The following ADAMTS3 variants were observed in gnomAD, a reference collection of about 807,000 sequenced individuals.
ADAMTS3 encodes ADAM metallopeptidase with thrombospondin type 1 motif 3.
Under a neutral mutation model 129.0 loss-of-function variants are expected in ADAMTS3, and 73 were observed. The observed-to-expected ratio is 0.57, with a 90% confidence interval of 0.47 to 0.69. The LOEUF is 0.69. Among genes scored for constraint, ADAMTS3 ranks in the 30% least tolerant of loss-of-function variants. ADAMTS3 has a pLI of 0.00. For synonymous variants in ADAMTS3, 477 were observed against 510.8 expected (o/e 0.93, Z 0.89); for missense variants, 1,457 against 1,514.5 (o/e 0.96, Z 0.63).
intron 3 of ADAMTS3, among the ~76,000 whole-genome samples, chr4:72,512,162 T>TA (rs1420600039): frequency 1.3e-5 from 2 of 151,838 alleles, no homozygotes; most frequent in East Asian, 3.9e-4. Context: ...TAAATGGGTA[T>TA]AAAAAATAAG....
At chr4:72,535,429 A>G (rs538975971) in intron 3 of ADAMTS3, among the ~76,000 whole-genome samples, 8 of 152,168 alleles carry the variant, frequency 5.3e-5, no homozygotes, top group Non-Finnish European at 7.3e-5. Context: ...TAGGTTAATG[A>G]GACACCCCAG....
chr4:72,438,999 G>GTT (rs1056520120), intron 3 of ADAMTS3, among the ~76,000 whole-genome samples: 22 of 151,636 alleles, frequency 1.5e-4, no homozygotes, highest in African/African-American at 5.3e-4. Flanking sequence ...TTTTTACAGT[G>GTT]TTTAATAGTA....
intron 3 of ADAMTS3, among the ~76,000 whole-genome samples, chr4:72,460,844 C>A (rs1307488052): frequency 1.3e-5 from 2 of 151,650 alleles, no homozygotes; most frequent in Non-Finnish European, 3.0e-5. Context: ...ATGTTCACAA[C>A]ATTTGACTAA....
chr4:72,299,146 C>G (rs1718890162), intron 17 of ADAMTS3, among the ~76,000 whole-genome samples: 1 of 149,900 alleles, frequency 6.7e-6, no homozygotes, highest in Admixed American at 6.7e-5. Context: ...ATGTAACATG[C>G]ACATTTCTCA....
chr4:72,361,118 C>T (rs1720717592), intron 4 of ADAMTS3, among the ~76,000 whole-genome samples: 2 of 151,894 alleles, frequency 1.3e-5, no homozygotes, highest in South Asian at 4.2e-4. Flanking sequence ...TCAACCAGAG[C>T]AACCCTCTTT....
chr4:72,312,553 C>A, intron 12 of ADAMTS3, 87 bp from the exon 13 acceptor site: 1 of 1,345,900 alleles, frequency 7.4e-7, no homozygotes, highest in Non-Finnish European at 1.0e-6. Flanking sequence ...GGCACAAAGC[C>A]AAAGTTTCTG....
intron 14 of ADAMTS3, among the ~76,000 whole-genome samples, chr4:72,310,231 G>A (rs1035580582): frequency 2.0e-5 from 3 of 151,962 alleles, no homozygotes; most frequent in Non-Finnish European, 4.4e-5. Flanking sequence ...CTGAACCAAG[G>A]CATGTTCTTA....
At chr4:72,445,702 A>T (rs1344604365) in intron 3 of ADAMTS3, among the ~76,000 whole-genome samples, 1 of 151,732 alleles carries the variant, frequency 6.6e-6, no homozygotes, top group Non-Finnish European at 1.5e-5. Flanking sequence ...AATCAGCCCA[A>T]TTCAGTGTTA....
chr4:72,367,797 C>A (rs1246050726), intron 4 of ADAMTS3, among the ~76,000 whole-genome samples: 2 of 144,976 alleles, frequency 1.4e-5, no homozygotes, highest in African/African-American at 2.6e-5. Context: ...TTGCAGTGGG[C>A]GGAGATGGCG....
At chr4:72,396,368 G>T (rs1721724388) in intron 4 of ADAMTS3, among the ~76,000 whole-genome samples, 1 of 152,000 alleles carries the variant, frequency 6.6e-6, no homozygotes. Flanking sequence ...AAAACATGAA[G>T]TAACATAATA....
chr4:72,568,543 G>C lies in ADAMTS3; in HGVS notation c.69+151C>G, dbSNP rs552525345. Reference sequence around the variant, plus strand: ...CTACCCCCAAAAGCCCGCACGCTGCGCCCAGCCCTCAAAACACCGTTTCTG... The same window carrying C: ...CTACCCCCAAAAGCCCGCACGCTGCCCCCAGCCCTCAAAACACCGTTTCTG... On this transcript the variant is annotated intron_variant, in intron 1 of 21. Coordinates refer to ENST00000286657, the MANE Select transcript of ADAMTS3 (RefSeq NM_014243.3). The C allele has an allele frequency of 5.5e-5, 37 of 673,534 alleles. No individual in the cohort carries two copies. In the Admixed American group the frequency reaches 8.9e-4, roughly 16 times the overall value. 41.7% of individuals were successfully genotyped at this position (673,534 alleles called of 1,614,324 possible). A position where few individuals can be genotyped will look rare whatever the true frequency, so the allele number is the denominator to read the frequency against.
intron 3 of ADAMTS3, among the ~76,000 whole-genome samples, chr4:72,474,895 C>T (rs11943308): frequency 0.63 from 95,353 of 150,296 alleles, 30,654 homozygotes; most frequent in South Asian, 0.79. Context: ...GGCGTAGTGG[C>T]GGGTGCCTGT....
At chr4:72,454,319 A>C (rs537299127) in intron 3 of ADAMTS3, among the ~76,000 whole-genome samples, 72 of 151,868 alleles carry the variant, frequency 4.7e-4, no homozygotes, top group African/African-American at 1.7e-3. Context: ...GGACTAGAAT[A>C]AATTAATAAA....
chr4:72,404,825 AACACACACACACAC>A (rs146366382), intron 4 of ADAMTS3, among the ~76,000 whole-genome samples: 38 of 148,914 alleles, frequency 2.6e-4, no homozygotes, highest in Non-Finnish European at 4.3e-4. Flanking sequence ...AAGCAAACAA[AACACACACACACAC>A]ACACACACAC....
At chr4:72,333,599 T>C (rs1719906204) in intron 5 of ADAMTS3, among the ~76,000 whole-genome samples, 1 of 152,068 alleles carries the variant, frequency 6.6e-6, no homozygotes, top group South Asian at 2.1e-4. Context: ...CGACCCTCAG[T>C]GGCTTTTATT....
At chr4:72,305,845 CGTACATATACGTATGCACATGTAT>C (rs906878937) in intron 16 of ADAMTS3, 118 bp downstream of exon 16, 93 of 711,756 alleles carry the variant, frequency 1.3e-4, no homozygotes, top group Non-Finnish European at 1.8e-4. Flanking sequence ...TGCACATGTA[CGTACATATACGTATGCACATGTAT>C]GTACATATAC....
At chr4:72,380,984 CATTT>C (rs1184052456) in intron 4 of ADAMTS3, among the ~76,000 whole-genome samples, 1 of 152,078 alleles carries the variant, frequency 6.6e-6, no homozygotes, top group African/African-American at 2.4e-5. Flanking sequence ...TTGGAGGTGA[CATTT>C]ATCACTGACT....
At chr4:72,342,728 A>G (rs972761291) in intron 4 of ADAMTS3, among the ~76,000 whole-genome samples, 3 of 152,098 alleles carry the variant, frequency 2.0e-5, no homozygotes, top group African/African-American at 7.2e-5. Flanking sequence ...ATCTTTTGAG[A>G]TATTTTTTAG....
chr4:72,402,217 A>G (rs1393091511), intron 4 of ADAMTS3, among the ~76,000 whole-genome samples: 1 of 152,162 alleles, frequency 6.6e-6, no homozygotes, highest in African/African-American at 2.4e-5. Context: ...TTGAATATTC[A>G]CATGAAGTCC....
Sources: gnomAD v4.1 joint callset for allele counts (sites outside exome capture counted in the v4.1 genomes callset) on GRCh38, gnomAD v4.1.1 for gene constraint, MANE v1.5 for transcripts, NCBI Gene and HGNC (gene_info 2026-07-23, HGNC 2026-07-21) for gene names.